SGCZ: variants seen among roughly 807,000 people sequenced by gnomAD.
SGCZ encodes the protein zeta-sarcoglycan.
SGCZ carries 40 observed loss-of-function variants against 41.3 expected under a neutral mutation model. That is an observed-to-expected ratio of 0.97 (90% confidence interval 0.75 to 1.26). The LOEUF (loss-of-function observed/expected upper bound fraction) is 1.26, where lower values mean the gene tolerates loss of function less well. SGCZ is among the 50% of genes most tolerant of loss of function. The pLI, the probability that SGCZ is intolerant of heterozygous loss-of-function variation, is 0.00. For synonymous variants in SGCZ, 206 were observed against 137.5 expected, an observed-to-expected ratio of 1.50 and a Z score of -3.49; for missense variants, 552 against 369.8, an observed-to-expected ratio of 1.49 and a Z score of -4.04.
At chr8:14,364,872 C>A (rs1410159454) in intron 2 of SGCZ, among the ~76,000 whole-genome samples, 3 of 152,088 alleles carry the variant, frequency 2.0e-5, no homozygotes, top group Non-Finnish European at 4.4e-5. Flanking sequence ...TCAAGTCTAA[C>A]ACATAAAATA....
chr8:14,652,346 A>AAGGGGG (rs201135943), intron 1 of SGCZ, among the ~76,000 whole-genome samples: 1 of 50,740 alleles, frequency 2.0e-5, no homozygotes, highest in African/African-American at 8.1e-5. Context: ...AAAAAAAAAA[A>AAGGGGG]GGGGGGGGTG....
intron 1 of SGCZ, among the ~76,000 whole-genome samples, chr8:15,023,612 G>A (rs1012126277): frequency 1.3e-5 from 2 of 152,170 alleles, no homozygotes; most frequent in Admixed American, 1.3e-4. Context: ...AAGCTTTATA[G>A]AAATGTGATA....
intron 1 of SGCZ, among the ~76,000 whole-genome samples, chr8:15,073,050 A>T (rs556418933): frequency 6.6e-6 from 1 of 152,226 alleles, no homozygotes; most frequent in East Asian, 1.9e-4. Flanking sequence ...GGGCAGAGAC[A>T]TGTTCGGTTT....
At chr8:14,459,139 C>G (rs1407192940) in intron 2 of SGCZ, among the ~76,000 whole-genome samples, 1 of 152,096 alleles carries the variant, frequency 6.6e-6, no homozygotes, top group African/African-American at 2.4e-5. Flanking sequence ...AAGCTGGAAA[C>G]CTTCATTCTC....
chr8:14,790,515 A>G (rs2130466682), intron 1 of SGCZ, among the ~76,000 whole-genome samples: 1 of 152,304 alleles, frequency 6.6e-6, no homozygotes, highest in Non-Finnish European at 1.5e-5. Flanking sequence ...AAATAGTCCA[A>G]AACATTTGTT....
intron 1 of SGCZ, among the ~76,000 whole-genome samples, chr8:14,666,589 A>G (rs1807917773): frequency 6.6e-6 from 1 of 151,888 alleles, no homozygotes; most frequent in South Asian, 2.1e-4. Context: ...AAACCAAAAC[A>G]TATTTATCAG....
At chr8:14,922,394 T>A (rs956149353) in intron 1 of SGCZ, among the ~76,000 whole-genome samples, 1 of 152,168 alleles carries the variant, frequency 6.6e-6, no homozygotes, top group Non-Finnish European at 1.5e-5. Context: ...TAAATAAATA[T>A]TGAGAAAACA....
intron 2 of SGCZ, among the ~76,000 whole-genome samples, chr8:14,534,583 A>G (rs1169560987): frequency 1.3e-5 from 2 of 152,016 alleles, no homozygotes; most frequent in Non-Finnish European, 2.9e-5. Flanking sequence ...GGTGCTCATG[A>G]TCTGGGACAG....
chr8:14,200,471 A>T (rs1805417326), intron 4 of SGCZ, among the ~76,000 whole-genome samples: 1 of 152,202 alleles, frequency 6.6e-6, no homozygotes, highest in Admixed American at 6.5e-5. Context: ...ATAAAGAATC[A>T]TGTACAGTGC....
intron 1 of SGCZ, among the ~76,000 whole-genome samples, chr8:15,059,927 G>C (rs930120159): frequency 1.3e-5 from 2 of 152,172 alleles, no homozygotes; most frequent in Non-Finnish European, 2.9e-5. Flanking sequence ...GGTGTGGAGA[G>C]AGGCAATGTG....
intron 1 of SGCZ, among the ~76,000 whole-genome samples, chr8:15,115,193 G>T (rs1227771258): frequency 6.6e-6 from 1 of 152,192 alleles, no homozygotes; most frequent in African/African-American, 2.4e-5. Flanking sequence ...CTTGTGGTGT[G>T]CTGCCTTCTT....
At chr8:15,066,075 G>A (rs1056409167) in intron 1 of SGCZ, among the ~76,000 whole-genome samples, 15 of 151,968 alleles carry the variant, frequency 9.9e-5, no homozygotes, top group Non-Finnish European at 1.6e-4. Context: ...TTGGGAGGCC[G>A]AGGCGGGTGG....
chr8:14,223,772 T>C (rs1361758160), intron 4 of SGCZ, among the ~76,000 whole-genome samples: 1 of 152,174 alleles, frequency 6.6e-6, no homozygotes, highest in African/African-American at 2.4e-5. Flanking sequence ...AAATATTACT[T>C]TGGATAATCA....
intron 3 of SGCZ, among the ~76,000 whole-genome samples, chr8:14,297,151 G>C (rs1294247635): frequency 6.6e-6 from 1 of 152,030 alleles, no homozygotes; most frequent in Non-Finnish European, 1.5e-5. Context: ...TCAAACTCCT[G>C]ACCTCAGGTG....
At chr8:14,851,368 CAAAA>C (rs369090223) in intron 1 of SGCZ, among the ~76,000 whole-genome samples, 1,374 of 61,860 alleles carry the variant, frequency 0.022, 10 homozygotes, top group South Asian at 0.059. Context: ...GACTCCATCT[CAAAA>C]AAAAAAAAAA....
chr8:14,674,807 A>G (rs1000000840), intron 1 of SGCZ, among the ~76,000 whole-genome samples: 8 of 151,466 alleles, frequency 5.3e-5, no homozygotes, highest in African/African-American at 1.7e-4. Flanking sequence ...TGCTTTTGCC[A>G]TGTAAACTGC....
intron 1 of SGCZ, among the ~76,000 whole-genome samples, chr8:15,097,835 C>T (rs1274530066): frequency 7.8e-5 from 8 of 102,682 alleles, no homozygotes; most frequent in African/African-American, 3.1e-4. Flanking sequence ...TATATATATA[C>T]GTGTGTGTAT....
chr8:14,966,225 G>C (rs1487392072), intron 1 of SGCZ, among the ~76,000 whole-genome samples: 1 of 151,472 alleles, frequency 6.6e-6, no homozygotes, highest in African/African-American at 2.4e-5. Context: ...AGAAAGAAAG[G>C]AGAAAAACAG....
chr8:14,634,645 C>G (rs1237521659), intron 1 of SGCZ, among the ~76,000 whole-genome samples: 1 of 151,774 alleles, frequency 6.6e-6, no homozygotes, highest in Non-Finnish European at 1.5e-5. Context: ...ACTGAGGTCT[C>G]CAATTTCACT....
Sources: allele counts gnomAD v4.1 joint callset (sites outside exome capture counted in the v4.1 genomes callset), GRCh38; gene constraint gnomAD v4.1.1; transcripts MANE v1.5; gene names NCBI Gene and HGNC (gene_info 2026-07-23, HGNC 2026-07-21).